The following CACNA2D4 variants were observed in gnomAD, a reference collection of about 807,000 sequenced individuals.
CACNA2D4 encodes voltage-dependent calcium channel subunit alpha-2/delta-4.
Under a neutral mutation model 163.8 loss-of-function variants are expected in CACNA2D4, and 157 were observed. The ratio of observed to expected loss-of-function variants is 0.96; its 90% CI spans 0.84 to 1.09. The LOEUF (loss-of-function observed/expected upper bound fraction) is 1.09, where lower values mean the gene tolerates loss of function less well. Among genes scored for constraint, CACNA2D4 ranks in the 50% least tolerant of loss-of-function variants. CACNA2D4 has a pLI of 0.00. For synonymous variants in CACNA2D4, 598 were observed against 586.9 expected (o/e 1.02, Z -0.27); for missense variants, 1,410 against 1,479.9 (o/e 0.95, Z 0.78).
chr12:1,858,184 C>T (rs1865441303), intron 20 of CACNA2D4, among the ~76,000 whole-genome samples: 2 of 152,228 alleles, frequency 1.3e-5, no homozygotes, highest in Non-Finnish European at 2.9e-5. Flanking sequence ...GGAGCCTTAG[C>T]AAATGAATAC....
Position 1,830,970 on chromosome 12 carries a change from G to A in CACNA2D4, c.2551+9769C>T, listed in dbSNP as rs1565695150. 9.3e-6 allele frequency: 15 copies of A among 1,612,658 alleles called. No individual in the cohort carries two copies. The highest frequency in any genetic ancestry group is 1.6e-4 in the Middle Eastern group (1 of 6,076). On this transcript the variant is annotated intron_variant, in intron 26 of 37. Coordinates refer to ENST00000382722, the MANE Select transcript of CACNA2D4 (RefSeq NM_172364.5). Reference sequence around the variant, plus strand: ...CTGGATCGCCCTGTATGCTGTGGAGGCCCTCCCCACCTGCCCTTTCTCCTG... The same window carrying A: ...CTGGATCGCCCTGTATGCTGTGGAGACCCTCCCCACCTGCCCTTTCTCCTG...
chr12:1,905,878 C>T (rs10848592), intron 6 of CACNA2D4, among the ~76,000 whole-genome samples: 9,330 of 152,072 alleles, frequency 0.061, 742 homozygotes, highest in East Asian at 0.42. Context: ...ATAGCCTAAA[C>T]AATTTGGGGG....
intron 29 of CACNA2D4, among the ~76,000 whole-genome samples, chr12:1,809,837 GAA>G (rs1240350364): frequency 6.6e-6 from 1 of 152,230 alleles, no homozygotes; most frequent in Non-Finnish European, 1.5e-5. Flanking sequence ...ACAAGAACAT[GAA>G]GTGGGGAAGC....
rs60739615 is a variant in CACNA2D4 at position 1,802,015 on chromosome 12, C to CTGTG, written c.2722-375_2722-372dup. On this transcript the variant is annotated intron_variant, in intron 29 of 37. Coordinates refer to ENST00000382722, the MANE Select transcript of CACNA2D4 (RefSeq NM_172364.5). This position sits in a 1 kb window ranked among gnomAD's most constrained non-coding sequence, Gnocchi z 4.7. ...TATGAAACTGGATTTGTTTTATATG[C>CTGTG]TGTGTGTGTGTGTGTGTGTGTGTGT... 0.06 allele frequency among the ~76,000 whole-genome samples: 8,710 copies of CTGTG among 144,156 alleles called. 297 individuals carry two copies. Among genetic ancestry groups the CTGTG allele is most frequent in the Non-Finnish European group, 0.082 (5,410 of 65,870 alleles). 94.6% of individuals were successfully genotyped at this position (144,156 alleles called of 152,430 possible).
chr12:1,834,317 A>C lies in CACNA2D4; in HGVS notation c.2551+6422T>G, dbSNP rs750806481. On this transcript the variant is annotated intron_variant, in intron 26 of 37. Coordinates refer to ENST00000382722, the MANE Select transcript of CACNA2D4 (RefSeq NM_172364.5). This position sits in a 1 kb window ranked among gnomAD's most constrained non-coding sequence, Gnocchi z 7.6. The stretch of plus-strand genomic sequence containing the variant: ...CACCCTGCCCAAGGAGCTGAGGGGG[A>C]AGGACATGCGGATGGTCCCCATGGA... 1 of 1,607,994 alleles carries C rather than the reference A, an allele frequency of 6.2e-7. No homozygotes were observed. The highest frequency in any genetic ancestry group is 1.1e-5 in the South Asian group (1 of 90,318).
In CACNA2D4 at chr12:1,828,832, G is replaced by A. The variant is rs1364328361; in HGVS notation, c.2551+11907C>T. On this transcript the variant is annotated intron_variant, in intron 26 of 37. Coordinates refer to ENST00000382722, the MANE Select transcript of CACNA2D4 (RefSeq NM_172364.5). This position sits in a 1 kb window ranked among gnomAD's most constrained non-coding sequence, Gnocchi z 4.2. Reference sequence around the variant, plus strand: ...ATTTACCAAAAAGGGGAGGAAGCGTGAATGAAGGCAACACTTGGCAGCTGT... The same window carrying A: ...ATTTACCAAAAAGGGGAGGAAGCGTAAATGAAGGCAACACTTGGCAGCTGT... Among the ~76,000 whole-genome samples, 2 of 152,238 alleles carry A rather than the reference G, an allele frequency of 1.3e-5. No individual in the cohort carries two copies. Among genetic ancestry groups the A allele is most frequent in the Non-Finnish European group, 2.9e-5 (2 of 68,046 alleles).
In CACNA2D4 at chr12:1,798,018, A is replaced by T. The variant is rs1319296761; in HGVS notation, c.2996-483T>A. 6.6e-6 allele frequency among the ~76,000 whole-genome samples: 1 copy of T among 151,510 alleles called. No homozygotes were observed. Among genetic ancestry groups the T allele is most frequent in the African/African-American group, 2.4e-5 (1 of 41,212 alleles). ...TCCCGCACAGCCAGGCCCACACTCCACCCATTGAGCCTGAGCGCCTGCGGT... is the reference window on the plus strand; with the variant it reads ...TCCCGCACAGCCAGGCCCACACTCCTCCCATTGAGCCTGAGCGCCTGCGGT... On this transcript the variant is annotated intron_variant, in intron 34 of 37. Transcript: ENST00000382722. The surrounding 1 kb of genome is among the most constrained non-coding windows in gnomAD (Gnocchi z 4.3).
At position 1,860,051 on chromosome 12, in the gene CACNA2D4, C is replaced by T. The variant is rs77281935; in HGVS notation, c.1940+94G>A. The T allele has an allele frequency of 2.1e-3, 2,054 of 997,350 alleles. 25 individuals are homozygous for T. The East Asian group carries it at 0.025, about 12-fold the overall frequency. 61.8% of individuals were successfully genotyped at this position (997,350 alleles called of 1,614,324 possible). A position where few individuals can be genotyped will look rare whatever the true frequency, so the allele number is the denominator to read the frequency against. On this transcript the variant is annotated intron_variant, in intron 19 of 37. Coordinates refer to ENST00000382722, the MANE Select transcript of CACNA2D4 (RefSeq NM_172364.5). ...AAGTTTCCTGGATGCTGACCTGGGT[C>T]TTTTGCTATTACCACAAAATTGCCA...
In CACNA2D4 at chr12:1,875,787, A is replaced by G. The variant is rs1865869714; in HGVS notation, c.1720-450T>C. On this transcript the variant is annotated intron_variant, in intron 16 of 37. Coordinates refer to ENST00000382722, the MANE Select transcript of CACNA2D4 (RefSeq NM_172364.5). The surrounding 1 kb of genome is among the most constrained non-coding windows in gnomAD (Gnocchi z 4.0). ...GCCTAAGACTTCACTGCTCCAACTG[A>G]GTTTGCCCGGTGTGCAGGTGCCTCA... Among the ~76,000 whole-genome samples the G allele has an allele frequency of 6.6e-6, 1 of 152,164 alleles. No individual in the cohort carries two copies.
At chr12:1,824,487 G>A (rs2154446596) in intron 26 of CACNA2D4, among the ~76,000 whole-genome samples, 1 of 152,270 alleles carries the variant, frequency 6.6e-6, no homozygotes, top group Middle Eastern at 3.4e-3. Context: ...CTCTGGAAGG[G>A]AGGCCAGGGA....
chr12:1,899,838 C>G (rs1426343598), intron 6 of CACNA2D4, among the ~76,000 whole-genome samples: 1 of 151,950 alleles, frequency 6.6e-6, no homozygotes, highest in Non-Finnish European at 1.5e-5. Flanking sequence ...ATTAAGGGAC[C>G]ATTTCACTTA....
intron 6 of CACNA2D4, 58 bp downstream of exon 6, chr12:1,907,382 C>CTATTG (rs2154452075): frequency 3.5e-6 from 1 of 287,364 alleles, no homozygotes; most frequent in Non-Finnish European, 5.1e-6. Context: ...TTCAGTGCCC[C>CTATTG]TATTATTTCC....
At chr12:1,827,188 C>T (rs1231273885) in intron 26 of CACNA2D4, among the ~76,000 whole-genome samples, 14 of 152,346 alleles carry the variant, frequency 9.2e-5, no homozygotes, top group Non-Finnish European at 1.5e-4. Context: ...CCCCTGTCCC[C>T]CTCTCTGATG....
chr12:1,886,438 G>C lies in CACNA2D4; in HGVS notation c.843-65C>G. The C allele has an allele frequency of 2.7e-6, 4 of 1,485,594 alleles. No homozygotes were observed. In the South Asian group the frequency reaches 4.9e-5, roughly 18 times the overall value. The allele number at this position is 1,485,594 out of a possible 1,614,324, so 92.0% of individuals were successfully genotyped here. Reference sequence around the variant, plus strand: ...AAGCCGGAACCAATACCTGACCAAGGGGTCTGCAGTTATTTCTGTTCAGAT... The same window carrying C: ...AAGCCGGAACCAATACCTGACCAAGCGGTCTGCAGTTATTTCTGTTCAGAT... On this transcript the variant is annotated intron_variant, in intron 7 of 37. Transcript: ENST00000382722.
At chr12:1,855,778 G>A (rs1269721062) in intron 22 of CACNA2D4, among the ~76,000 whole-genome samples, 4 of 152,236 alleles carry the variant, frequency 2.6e-5, no homozygotes, top group Non-Finnish European at 1.5e-5. Context: ...CCCTGACCTG[G>A]GGATCCATAC....
intron 26 of CACNA2D4, chr12:1,831,336 C>G: frequency 6.2e-7 from 1 of 1,613,920 alleles, no homozygotes; most frequent in Non-Finnish European, 8.5e-7. Flanking sequence ...CCAGTTGCCC[C>G]CTGGTCTTTT....
At chr12:1,797,625 C>T in intron 34 of CACNA2D4, 90 bp from the exon 35 acceptor site, 1 of 967,972 alleles carries the variant, frequency 1.0e-6, no homozygotes, top group East Asian at 2.6e-5. Context: ...GAGTTCACCC[C>T]AGTGCATTTG....
intron 26 of CACNA2D4, chr12:1,835,410 TGAAA>T (rs1358006571): frequency 1.3e-5 from 2 of 152,036 alleles, no homozygotes; most frequent in East Asian, 1.9e-4. Flanking sequence ...TCACATGGAT[TGAAA>T]GAATTAATAC....
chr12:1,846,469 C>T, intron 24 of CACNA2D4, 125 bp downstream of exon 24: 1 of 731,852 alleles, frequency 1.4e-6, no homozygotes, highest in Non-Finnish European at 2.3e-6. Flanking sequence ...CCCTGCTGGG[C>T]TCCCAGGGGT....
Sources: gnomAD v4.1 joint callset for allele counts (sites outside exome capture counted in the v4.1 genomes callset) on GRCh38, gnomAD v4.1.1 for gene constraint, Gnocchi (gnomAD v3.1) non-coding constraint, MANE v1.5 for transcripts, NCBI Gene and HGNC (gene_info 2026-07-23, HGNC 2026-07-21) for gene names.